Variants in WDPCP observed in about 807,000 individuals in gnomAD.
WDPCP encodes the protein WD repeat-containing and planar cell polarity effector protein fritz homolog.
Under a neutral mutation model 93.1 loss-of-function variants are expected in WDPCP, and 71 were observed. That is an observed-to-expected ratio of 0.76 (90% CI 0.63 to 0.93). The LOEUF is 0.93. WDPCP is among the 40% of genes least tolerant of loss of function. The pLI is 0.00. For synonymous variants in WDPCP, 315 were observed against 315.0 expected, an observed-to-expected ratio of 1.00 and a Z score of 0.00; for missense variants, 844 against 887.4, an observed-to-expected ratio of 0.95 and a Z score of 0.62.
intron 2 of WDPCP, among the ~76,000 whole-genome samples, chr2:63,785,933 C>A (rs1289826361): frequency 6.6e-6 from 1 of 152,108 alleles, no homozygotes; most frequent in Admixed American, 6.6e-5. Context: ...TCATGTATTG[C>A]AAACAAGATT....
At chr2:63,687,302 C>T (rs1480670056) in intron 2 of WDPCP, among the ~76,000 whole-genome samples, 1 of 152,162 alleles carries the variant, frequency 6.6e-6, no homozygotes, top group African/African-American at 2.4e-5. Flanking sequence ...CCCACAAGCA[C>T]AGGCAACCAA....
At chr2:63,613,554 G>A (rs1272293780) in intron 3 of WDPCP, among the ~76,000 whole-genome samples, 1 of 152,236 alleles carries the variant, frequency 6.6e-6, no homozygotes, top group African/African-American at 2.4e-5. Context: ...TACAGGCACA[G>A]TCCTCCAAAA....
chr2:63,277,232 T>G (rs1006776775), intron 13 of WDPCP, among the ~76,000 whole-genome samples: 11 of 149,594 alleles, frequency 7.4e-5, no homozygotes, highest in African/African-American at 2.7e-4. Flanking sequence ...AAAAAAAAGC[T>G]AAATCTTGAA....
At chr2:63,502,413 T>G (rs1164141134) in intron 1 of WDPCP, among the ~76,000 whole-genome samples, 1 of 152,240 alleles carries the variant, frequency 6.6e-6, no homozygotes, top group African/African-American at 2.4e-5. Context: ...GCCTCCAAAA[T>G]GATTGGTAAA....
At chr2:63,824,495 C>A (rs1671081312) in intron 1 of WDPCP, among the ~76,000 whole-genome samples, 1 of 122,234 alleles carries the variant, frequency 8.2e-6, no homozygotes, top group African/African-American at 3.2e-5. Flanking sequence ...CTGCTGTAAG[C>A]TGTGATCACG....
At chr2:63,722,568 TCAGCCCCCCGCC>T (rs1480382141) in intron 2 of WDPCP, among the ~76,000 whole-genome samples, 1 of 74,890 alleles carries the variant, frequency 1.3e-5, no homozygotes, top group Admixed American at 1.4e-4. Flanking sequence ...TGGGGGGGGG[TCAGCCCCCCGCC>T]CGGCCAGCCG....
chr2:63,288,402 A>G (rs1344151191), intron 13 of WDPCP, among the ~76,000 whole-genome samples: 1 of 152,244 alleles, frequency 6.6e-6, no homozygotes, highest in Non-Finnish European at 1.5e-5. Context: ...CTAAAGACAA[A>G]GAATTAAAAG....
At chr2:63,442,383 C>T (rs571137125) in intron 6 of WDPCP, 1 of 152,092 alleles carries the variant, frequency 6.6e-6, no homozygotes, top group Non-Finnish European at 1.5e-5. Context: ...TATTATTCAA[C>T]CATTAATTGT....
chr2:63,493,568 C>A (rs1701026159), intron 1 of WDPCP, among the ~76,000 whole-genome samples: 2 of 148,746 alleles, frequency 1.3e-5, no homozygotes, highest in Non-Finnish European at 1.5e-5. Flanking sequence ...TTTGAAAAAA[C>A]AAAATGGTAA....
chr2:63,359,369 G>C (rs1179497616), intron 12 of WDPCP, among the ~76,000 whole-genome samples: 2 of 152,138 alleles, frequency 1.3e-5, no homozygotes, highest in Non-Finnish European at 2.9e-5. Context: ...GACATGAAAA[G>C]ATATTTCACT....
At chr2:63,500,011 T>A (rs901585560) in intron 1 of WDPCP, among the ~76,000 whole-genome samples, 1 of 152,216 alleles carries the variant, frequency 6.6e-6, no homozygotes, top group Non-Finnish European at 1.5e-5. Context: ...AACTTCTTCA[T>A]CCTGTCAAAG....
At chr2:63,418,395 A>C (rs1055246842) in intron 9 of WDPCP, among the ~76,000 whole-genome samples, 8 of 152,234 alleles carry the variant, frequency 5.3e-5, no homozygotes, top group Non-Finnish European at 1.2e-4. Context: ...GAAGAATCCA[A>C]AAAGATAGGA....
At chr2:63,493,985 A>G (rs954122630) in intron 1 of WDPCP, among the ~76,000 whole-genome samples, 3 of 152,182 alleles carry the variant, frequency 2.0e-5, no homozygotes, top group African/African-American at 7.2e-5. Context: ...TATTTCCCAT[A>G]GTATCCATAT....
chr2:63,364,304 C>T (rs956919604), intron 12 of WDPCP, among the ~76,000 whole-genome samples: 2 of 152,118 alleles, frequency 1.3e-5, no homozygotes, highest in African/African-American at 4.8e-5. Context: ...AAATCTCAAC[C>T]GAGTATAATA....
intron 3 of WDPCP, among the ~76,000 whole-genome samples, chr2:63,600,447 G>A (rs1709397278): frequency 6.6e-6 from 1 of 152,116 alleles, no homozygotes. Flanking sequence ...TTACCTAATG[G>A]TATCAACTAA....
intron 3 of WDPCP, among the ~76,000 whole-genome samples, chr2:63,603,720 C>A (rs948340836): frequency 1.4e-5 from 2 of 138,338 alleles, no homozygotes; most frequent in Non-Finnish European, 1.5e-5. Context: ...TGCAGTGGTG[C>A]GATCTTGGCT....
At chr2:63,821,644 C>A (rs528325043) in intron 1 of WDPCP, among the ~76,000 whole-genome samples, 53 of 152,170 alleles carry the variant, frequency 3.5e-4, no homozygotes, top group African/African-American at 1.2e-3. Flanking sequence ...TGGTGAACTA[C>A]CTCAGACAAA....
At chr2:63,700,306 A>AAAAAAG (rs1558887470) in intron 2 of WDPCP, among the ~76,000 whole-genome samples, 2 of 146,142 alleles carry the variant, frequency 1.4e-5, no homozygotes, top group African/African-American at 2.6e-5. Flanking sequence ...AAAAAAAACA[A>AAAAAAG]AAAGAAAAAA....
intron 4 of WDPCP, among the ~76,000 whole-genome samples, chr2:63,485,754 TCTC>T (rs1438853032): frequency 3.3e-5 from 5 of 151,926 alleles, no homozygotes; most frequent in Admixed American, 6.6e-5. Context: ...ATCTTTGGAT[TCTC>T]CTCATTAATA....
Sources: allele counts gnomAD v4.1 joint callset (sites outside exome capture counted in the v4.1 genomes callset), GRCh38; gene constraint gnomAD v4.1.1; transcripts MANE v1.5; gene names NCBI Gene and HGNC (gene_info 2026-07-23, HGNC 2026-07-21).